FAM78B: variants seen among roughly 807,000 people sequenced by gnomAD.
FAM78B encodes the protein family with sequence similarity 78 member B.
Under a neutral mutation model 20.0 loss-of-function variants are expected in FAM78B, and 10 were observed. That is an observed-to-expected ratio of 0.50 (90% CI 0.31 to 0.85). The LOEUF (loss-of-function observed/expected upper bound fraction) is 0.85. Among genes scored for constraint, FAM78B ranks in the 40% least tolerant of loss-of-function variants. The pLI, the probability that FAM78B is intolerant of heterozygous loss-of-function variation, is 0.05. For missense variants in FAM78B, 283 were observed against 345.0 expected (o/e 0.82, Z 1.42); for synonymous variants, 135 against 132.8 (o/e 1.02, Z -0.12).
chr1:166,166,654 G>A lies in FAM78B; in HGVS notation c.-406C>T, dbSNP rs1026773327. 1 of 150,270 alleles carries A rather than the reference G, an allele frequency of 6.7e-6. No homozygotes were observed. Among genetic ancestry groups the A allele is most frequent in the Non-Finnish European group, 1.5e-5 (1 of 67,352 alleles). The allele number at this position is 150,270 out of a possible 1,614,324, so 9.3% of individuals were successfully genotyped here. On this transcript the variant is annotated 5_prime_UTR_variant, in exon 1 of 2. Transcript: ENST00000354422. ...CGGCAGCGGCGGCGGCATGGAGCCG[G>A]GGGAGGGCGGCGGTGGCAGCGCCCG...
At chr1:166,077,718 C>A (rs1489597800) in intron 1 of FAM78B, among the ~76,000 whole-genome samples, 1 of 119,748 alleles carries the variant, frequency 8.4e-6, no homozygotes, top group African/African-American at 4.3e-5. Context: ...CATATAATTA[C>A]ATATATTTAT....
intron 1 of FAM78B, among the ~76,000 whole-genome samples, chr1:166,160,445 C>T (rs778121976): frequency 5.6e-4 from 85 of 152,340 alleles, no homozygotes; most frequent in Non-Finnish European, 9.4e-4. Context: ...TGCTGAACAC[C>T]ACTCCCAGTG....
chr1:166,103,367 A>C (rs1047911457), intron 1 of FAM78B, among the ~76,000 whole-genome samples: 1 of 152,226 alleles, frequency 6.6e-6, no homozygotes, highest in African/African-American at 2.4e-5. Flanking sequence ...GCAGAACTGA[A>C]GGAAATAGAG....
intron 1 of FAM78B, among the ~76,000 whole-genome samples, chr1:166,134,484 G>A (rs188283381): frequency 4.9e-4 from 74 of 151,626 alleles, no homozygotes; most frequent in African/African-American, 1.6e-3. Flanking sequence ...CTGAAGAAGT[G>A]GCCATTTGAA....
intron 1 of FAM78B, among the ~76,000 whole-genome samples, chr1:166,115,242 T>C (rs1654211450): frequency 6.6e-6 from 1 of 152,038 alleles, no homozygotes; most frequent in South Asian, 2.1e-4. Flanking sequence ...AAGATAAAGG[T>C]AATGAGAGAT....
In FAM78B at chr1:166,165,999, T is replaced by C. The variant is rs1656361690; in HGVS notation, c.250A>G (p.Ser84Gly). The part of the protein sequence containing the change: ...CNQMEFFNTY[S>G]DLGMSSWELP... ...CGAGTCGCTTACATGCCCAGGTCGC[T>C]GTAGGTGTTGAAGAACTCCATCTGA... Residue 84 changes from serine to glycine, a missense_variant, in exon 1 of 2, where the codon AGC becomes GGC. Coordinates refer to ENST00000354422, the MANE Select transcript of FAM78B (RefSeq NM_001017961.5). 6.2e-7 allele frequency: 1 copy of C among 1,612,660 alleles called. No homozygotes were observed. Among genetic ancestry groups the C allele is most frequent in the East Asian group, 2.2e-5 (1 of 44,748 alleles).
chr1:166,079,998 C>T (rs78490000), intron 1 of FAM78B, among the ~76,000 whole-genome samples: 1 of 152,146 alleles, frequency 6.6e-6, no homozygotes, highest in Non-Finnish European at 1.5e-5. Flanking sequence ...ATCAGTGTCA[C>T]GTCTACTTTG....
At chr1:166,152,425 A>G (rs1291674373) in intron 1 of FAM78B, among the ~76,000 whole-genome samples, 1 of 152,110 alleles carries the variant, frequency 6.6e-6, no homozygotes, top group African/African-American at 2.4e-5. Flanking sequence ...TCTGCACCCC[A>G]TTAATTGTTC....
chr1:166,146,501 T>C (rs1655460379), intron 1 of FAM78B, among the ~76,000 whole-genome samples: 1 of 152,304 alleles, frequency 6.6e-6, no homozygotes, highest in East Asian at 1.9e-4. Flanking sequence ...TTGCTCTTGT[T>C]TACCAGTTTT....
chr1:166,154,087 G>A (rs1333224147), intron 1 of FAM78B, among the ~76,000 whole-genome samples: 2 of 152,224 alleles, frequency 1.3e-5, no homozygotes, highest in Non-Finnish European at 2.9e-5. Context: ...TCTCCCATCT[G>A]TTCTGCTCCA....
intron 1 of FAM78B, among the ~76,000 whole-genome samples, chr1:166,157,045 G>C (rs1328171233): frequency 5.5e-5 from 5 of 91,298 alleles, no homozygotes; most frequent in African/African-American, 1.8e-4. Flanking sequence ...GAGGGGGGGG[G>C]GGGGCTCCAA....
intron 1 of FAM78B, among the ~76,000 whole-genome samples, chr1:166,137,477 GA>G (rs1655109780): frequency 6.7e-6 from 1 of 150,352 alleles, no homozygotes; most frequent in Non-Finnish European, 1.5e-5. Flanking sequence ...GTGAACCCAG[GA>G]TTCTTGACTG....
intron 1 of FAM78B, among the ~76,000 whole-genome samples, chr1:166,106,441 A>C (rs1043828378): frequency 2.6e-5 from 4 of 151,916 alleles, no homozygotes; most frequent in Non-Finnish European, 4.4e-5. Context: ...CCTAAAACTT[A>C]AATTAAAAAA....
chr1:166,080,583 G>A (rs925618715), intron 1 of FAM78B, among the ~76,000 whole-genome samples: 4 of 152,214 alleles, frequency 2.6e-5, no homozygotes, highest in African/African-American at 9.6e-5. Flanking sequence ...TGCACTTAGA[G>A]GGTGGGAAAA....
At chr1:166,064,335 A>AAT (rs1167687044), downstream of FAM78B, among the ~76,000 whole-genome samples, 7 of 152,122 alleles carry the variant, frequency 4.6e-5, no homozygotes, top group South Asian at 2.1e-4. Flanking sequence ...TAAAACTTTG[A>AAT]ATATATATAT....
chr1:166,096,260 G>A (rs1277771293), intron 1 of FAM78B, among the ~76,000 whole-genome samples: 2 of 152,190 alleles, frequency 1.3e-5, no homozygotes, highest in Non-Finnish European at 2.9e-5. Context: ...GGGTCTTGGA[G>A]TTCTACTATT....
chr1:166,094,270 G>A (rs1653190878), intron 1 of FAM78B, among the ~76,000 whole-genome samples: 1 of 152,180 alleles, frequency 6.6e-6, no homozygotes, highest in Admixed American at 6.5e-5. Context: ...CTGTAGGCAA[G>A]TGGGCCCTGA....
At chr1:166,132,938 T>C (rs1654927146) in intron 1 of FAM78B, among the ~76,000 whole-genome samples, 3 of 152,200 alleles carry the variant, frequency 2.0e-5, no homozygotes, top group African/African-American at 7.2e-5. Context: ...TGTAGGGGTG[T>C]AACTGCCATA....
intron 1 of FAM78B, among the ~76,000 whole-genome samples, chr1:166,139,681 G>A (rs1166799695): frequency 6.6e-6 from 1 of 152,168 alleles, no homozygotes; most frequent in African/African-American, 2.4e-5. Context: ...CTAACACATA[G>A]TTCTATAGCT....
Sources: allele counts gnomAD v4.1 joint callset (sites outside exome capture counted in the v4.1 genomes callset), GRCh38; gene constraint gnomAD v4.1.1; transcripts MANE v1.5; gene names NCBI Gene and HGNC (gene_info 2026-07-23, HGNC 2026-07-21).